Variants in PPP2R3A observed in about 807,000 individuals in gnomAD.
The protein encoded by PPP2R3A is serine/threonine-protein phosphatase 2A regulatory subunit B'' subunit alpha.
PPP2R3A carries 80 observed loss-of-function variants against 106.9 expected under a neutral mutation model. The observed-to-expected ratio is 0.75, with a 90% CI of 0.62 to 0.90. The LOEUF (loss-of-function observed/expected upper bound fraction) is 0.90, where lower values mean the gene tolerates loss of function less well. Among genes scored for constraint, PPP2R3A ranks in the 40% least tolerant of loss-of-function variants. The pLI is 0.00. For missense variants in PPP2R3A, 1,386 were observed against 1,350.4 expected (o/e 1.03, Z -0.41); for synonymous variants, 483 against 468.3 (o/e 1.03, Z -0.41).
At chr3:136,039,655 C>T (rs1041197688) in intron 3 of PPP2R3A, among the ~76,000 whole-genome samples, 1 of 152,206 alleles carries the variant, frequency 6.6e-6, no homozygotes, top group African/African-American at 2.4e-5. Context: ...ACTGCTCGCT[C>T]ACCTGCCCTT....
intron 2 of PPP2R3A, among the ~76,000 whole-genome samples, chr3:136,011,990 CACAT>C (rs1559868113): frequency 8.9e-6 from 1 of 112,050 alleles, no homozygotes; most frequent in Non-Finnish European, 1.7e-5. Context: ...CACACACACA[CACAT>C]ACACACACAC....
intron 12 of PPP2R3A, among the ~76,000 whole-genome samples, chr3:136,105,610 G>A (rs190562970): frequency 1.4e-4 from 22 of 152,010 alleles, no homozygotes; most frequent in African/African-American, 5.1e-4. Context: ...TAAGCTATTG[G>A]TGCACCACTG....
chr3:136,128,747 A>C (rs528180853), intron 13 of PPP2R3A, among the ~76,000 whole-genome samples: 2 of 152,280 alleles, frequency 1.3e-5, no homozygotes, highest in Non-Finnish European at 2.9e-5. Flanking sequence ...ACTTATTCCA[A>C]AATTGACCAC....
chr3:136,007,355 G>A (rs930307090), intron 2 of PPP2R3A, among the ~76,000 whole-genome samples: 2 of 152,166 alleles, frequency 1.3e-5, no homozygotes, highest in African/African-American at 2.4e-5. Flanking sequence ...TTGCCTGAGG[G>A]CCATCCCTTT....
intron 2 of PPP2R3A, among the ~76,000 whole-genome samples, chr3:136,006,021 T>A (rs545529680): frequency 6.6e-6 from 1 of 152,328 alleles, no homozygotes; most frequent in East Asian, 1.9e-4. Context: ...TGTCTGAGCA[T>A]CACCTGTCCT....
At chr3:136,115,837 G>C (rs1477823508) in intron 13 of PPP2R3A, among the ~76,000 whole-genome samples, 1 of 152,056 alleles carries the variant, frequency 6.6e-6, no homozygotes, top group Non-Finnish European at 1.5e-5. Flanking sequence ...ATATTATCCA[G>C]GAGAACTTTC....
chr3:136,067,227 A>G (rs1202029061), intron 5 of PPP2R3A, among the ~76,000 whole-genome samples: 2 of 152,260 alleles, frequency 1.3e-5, no homozygotes, highest in Middle Eastern at 3.2e-3. Context: ...AGGAAATAAA[A>G]TTAACAGAAA....
At chr3:136,139,340 G>A (rs1271059955) in intron 13 of PPP2R3A, among the ~76,000 whole-genome samples, 2 of 152,262 alleles carry the variant, frequency 1.3e-5, no homozygotes, top group East Asian at 3.9e-4. Flanking sequence ...AAAGGCAGTG[G>A]TGTTGCTGGC....
At chr3:136,123,223 T>C (rs900926027) in intron 13 of PPP2R3A, among the ~76,000 whole-genome samples, 1 of 152,126 alleles carries the variant, frequency 6.6e-6, no homozygotes, top group Non-Finnish European at 1.5e-5. Flanking sequence ...ACAGGAGAGA[T>C]GGACTATATA....
chr3:136,012,870 T>C (rs1202630072), intron 2 of PPP2R3A, among the ~76,000 whole-genome samples: 1 of 152,178 alleles, frequency 6.6e-6, no homozygotes, highest in Non-Finnish European at 1.5e-5. Context: ...TTAGTGGTGA[T>C]TTCTGAGATT....
At chr3:136,103,696 A>T (rs889756906) in intron 12 of PPP2R3A, among the ~76,000 whole-genome samples, 1 of 152,192 alleles carries the variant, frequency 6.6e-6, no homozygotes, top group African/African-American at 2.4e-5. Context: ...AAATATATCA[A>T]TAGGCACATC....
intron 8 of PPP2R3A, among the ~76,000 whole-genome samples, chr3:136,087,274 TC>T (rs1936970657): frequency 1.3e-5 from 2 of 149,032 alleles, no homozygotes; most frequent in Non-Finnish European, 3.0e-5. Flanking sequence ...TCTCTCTCTC[TC>T]TCTCTCTCTC....
At chr3:136,070,948 A>C (rs886263229) in intron 6 of PPP2R3A, among the ~76,000 whole-genome samples, 1 of 152,244 alleles carries the variant, frequency 6.6e-6, no homozygotes, top group African/African-American at 2.4e-5. Flanking sequence ...GATAATGAGA[A>C]AATAGCTTGT....
chr3:136,003,268 C>T lies in PPP2R3A; in HGVS notation c.1770C>T (p.Leu590=). ...AAATAGAGGAAGAGGATCGAGCCCT[C>T]TTACTGCGAATCCTGGAAAGCATTG... ...GHKIEEEDRA[L]LLRILESIED... is the part of the protein sequence containing the mutation. Residue 590 remains leucine, a synonymous_variant, in exon 2 of 14, where the codon CTC becomes CTT. Transcript: ENST00000264977. The T allele has an allele frequency of 6.2e-7, 1 of 1,613,942 alleles. No homozygotes were observed. Among genetic ancestry groups the T allele is most frequent in the Non-Finnish European group, 8.5e-7 (1 of 1,179,906 alleles).
intron 10 of PPP2R3A, among the ~76,000 whole-genome samples, chr3:136,100,311 A>T (rs1303458979): frequency 6.6e-6 from 1 of 151,136 alleles, no homozygotes; most frequent in Non-Finnish European, 1.5e-5. Flanking sequence ...GGAGTTCGAG[A>T]CCAGTGTGGG....
Position 135,968,074 on chromosome 3 carries a change from A to G in PPP2R3A, c.-441+2225A>G, listed in dbSNP as rs113715388. On this transcript the variant is annotated intron_variant, in intron 1 of 13. Coordinates refer to ENST00000264977, the MANE Select transcript of PPP2R3A (RefSeq NM_002718.5). ...GCTGCCTTAACACTAGTGACGCAGC[A>G]TTGTCCTCATTTGCTTAGGTGTTTA... is the stretch of plus-strand genomic sequence containing the variant. Among the ~76,000 whole-genome samples, 13 of 152,314 alleles carry G rather than the reference A, an allele frequency of 8.5e-5. 1 individual carries two copies. The highest frequency in any genetic ancestry group is 2.9e-4 in the African/African-American group (12 of 41,572).
chr3:136,067,713 A>G (rs1936303647), intron 5 of PPP2R3A, among the ~76,000 whole-genome samples: 1 of 152,216 alleles, frequency 6.6e-6, no homozygotes, highest in Non-Finnish European at 1.5e-5. Flanking sequence ...GTATTAGTGA[A>G]TGAAGGCATA....
At chr3:136,078,779 G>A (rs995329285) in intron 7 of PPP2R3A, among the ~76,000 whole-genome samples, 2 of 152,226 alleles carry the variant, frequency 1.3e-5, no homozygotes, top group Non-Finnish European at 2.9e-5. Context: ...TGGAGGGGTG[G>A]GCTGGGGCTA....
chr3:135,974,152 T>C (rs1937327228), intron 1 of PPP2R3A, among the ~76,000 whole-genome samples: 1 of 152,206 alleles, frequency 6.6e-6, no homozygotes, highest in South Asian at 2.1e-4. Context: ...CCTCTCACCT[T>C]ATTGGAGGTT....
Sources: gnomAD v4.1 joint callset for allele counts (sites outside exome capture counted in the v4.1 genomes callset) on GRCh38, gnomAD v4.1.1 for gene constraint, MANE v1.5 for transcripts, NCBI Gene and HGNC (gene_info 2026-07-23, HGNC 2026-07-21) for gene names.